The following ZNF165 variants were observed in gnomAD, a reference collection of about 807,000 sequenced individuals.
ZNF165 encodes zinc finger protein 165.
A neutral mutation model predicts 19.6 loss-of-function variants in ZNF165; 14 were observed. The observed-to-expected ratio is 0.71, with a 90% CI of 0.47 to 1.12. The LOEUF (loss-of-function observed/expected upper bound fraction) is 1.12, where lower values mean the gene tolerates loss of function less well. Among genes scored for constraint, ZNF165 ranks in the 50% most tolerant of loss-of-function variants. The pLI is 0.00. For synonymous variants in ZNF165, 165 were observed against 195.0 expected (o/e 0.85, Z 1.28); for missense variants, 504 against 566.3 (o/e 0.89, Z 1.12).
intron 1 of ZNF165, among the ~76,000 whole-genome samples, chr6:28,084,026 G>A (rs1764215225): frequency 6.6e-6 from 1 of 152,100 alleles, no homozygotes; most frequent in South Asian, 2.1e-4. Flanking sequence ...CCGCATCCTT[G>A]TCAAATCTTT....
chr6:28,084,750 C>T (rs1213952836), intron 1 of ZNF165, among the ~76,000 whole-genome samples: 1 of 152,182 alleles, frequency 6.6e-6, no homozygotes, highest in Non-Finnish European at 1.5e-5. Context: ...AGAACATATT[C>T]ATCTCCACAG....
rs751056982 is a variant in ZNF165, at chr6:28,089,184, G to A, written c.1172G>A (p.Arg391Gln). The A allele has an allele frequency of 6.2e-5, 100 of 1,614,002 alleles. No homozygotes were observed. The East Asian group carries it at 1.2e-3, about 19-fold the overall frequency. The change falls in exon 4 of 4, where the codon CGG becomes CAG. Residue 391 changes from arginine to glutamine, a missense_variant. Coordinates refer to ENST00000683778, the MANE Select transcript of ZNF165 (RefSeq NM_001376491.1). The stretch of plus-strand genomic sequence containing the variant: ...GAGAGCTCAGATCTTACTAGACATC[G>A]GCGAATTCACACTGGGGAAAGACCC... ...FAESSDLTRH[R>Q]RIHTGERPFG...
chr6:28,087,219 C>T (rs1054063120), intron 3 of ZNF165, among the ~76,000 whole-genome samples: 3 of 151,942 alleles, frequency 2.0e-5, no homozygotes, highest in Non-Finnish European at 2.9e-5. Context: ...AATAACTTAC[C>T]GTTAATTTTT....
intron 3 of ZNF165, 45 bp downstream of exon 3, chr6:28,086,355 G>T: frequency 6.4e-7 from 1 of 1,569,662 alleles, no homozygotes; most frequent in South Asian, 1.2e-5. Context: ...AAAGAAACAG[G>T]GGAATGAATC....
Position 28,088,823 on chromosome 6 carries a change from A to T in ZNF165, c.811A>T (p.Ser271Cys). The change falls in exon 4 of 4, where the codon AGC (serine) becomes TGC (cysteine). Residue 271 changes from serine to cysteine, a missense_variant. Ser to Cys is a moderately radical substitution (Grantham distance 112). Transcript: ENST00000683778. The part of the protein sequence containing the change: ...HKNTVRGEII[S>C]HDGCERRLNL... ...AAATACAGTCAGAGGTGAAATAATAAGCCACGATGGATGTGAGAGGAGATT... is the reference window on the plus strand; with the variant it reads ...AAATACAGTCAGAGGTGAAATAATATGCCACGATGGATGTGAGAGGAGATT... 2 of 1,614,240 alleles carry T rather than the reference A, an allele frequency of 1.2e-6. No homozygotes were observed. The highest frequency in any genetic ancestry group is 1.7e-6 in the Non-Finnish European group (2 of 1,180,042).
Position 28,080,675 on chromosome 6 carries a change from GA to G in ZNF165, c.-295del, listed in dbSNP as rs1764130657. 6.6e-6 allele frequency: 1 copy of G among 151,672 alleles called. No individual in the cohort carries two copies. The highest frequency in any genetic ancestry group is 2.4e-5 in the African/African-American group (1 of 41,142). 9.4% of individuals were successfully genotyped at this position (151,672 alleles called of 1,614,324 possible). On this transcript the variant is annotated 5_prime_UTR_variant, in exon 1 of 4. Transcript: ENST00000683778. ...CCCAAAGTGCTGGGACTGCAGGCGT[GA>G]GCCACCGCGCCCGGCCAACGTCATT...
At chr6:28,081,029 T>G (rs1764141791) in intron 1 of ZNF165, 59 bp downstream of exon 1, 1 of 152,270 alleles carries the variant, frequency 6.6e-6, no homozygotes, top group African/African-American at 2.4e-5. Context: ...AAACATCCAG[T>G]CCCTCTCATA....
chr6:28,089,375 C>G lies in ZNF165; in HGVS notation c.1363C>G (p.Pro455Ala). ...CTTTAGAATTCACACTGGAGAAAAA[C>G]CCTATGAATGCAGTGAGTGTGGAAG... ...RHFRIHTGEK[P>A]YECSECGRAF... Residue 455 changes from proline (P) to alanine (A), a missense_variant, in exon 4 of 4, where the codon CCC (proline) becomes GCC (alanine). Transcript: ENST00000683778. 1 of 1,614,134 alleles carries G rather than the reference C, an allele frequency of 6.2e-7. No homozygotes were observed. Among genetic ancestry groups the G allele is most frequent in the Non-Finnish European group, 8.5e-7 (1 of 1,180,016 alleles).
chr6:28,085,848 T>C lies in ZNF165; in HGVS notation c.368T>C (p.Ile123Thr), dbSNP rs1294528463. The C allele has an allele frequency of 6.2e-7, 1 of 1,613,158 alleles. No homozygotes were observed. Among genetic ancestry groups the C allele is most frequent in the Non-Finnish European group, 8.5e-7 (1 of 1,180,002 alleles). The change falls in exon 2 of 4, where the codon ATA (isoleucine) becomes ACA (threonine). Residue 123 changes from isoleucine (I) to threonine (T), a missense_variant. Transcript: ENST00000683778. ...YPESGEEAVT[I>T]LEDLERGTDE... ...GAGAGTGGAGAGGAGGCAGTGACCA[T>C]ACTAGAAGATTTGGAGAGAGGCACT...
chr6:28,086,230 C>T lies in ZNF165; in HGVS notation c.470C>T (p.Pro157Leu), dbSNP rs1764271923. The change falls in exon 3 of 4, where the codon CCA (proline) becomes CTA (leucine). Residue 157 changes from proline (P) to leucine (L), a missense_variant. Physicochemically the swap from Pro to Leu is moderately conservative, Grantham distance 98. Coordinates refer to ENST00000683778, the MANE Select transcript of ZNF165 (RefSeq NM_001376491.1). ...IFQKKVSPPG[P>L]ALNVKLQPVE... ...CAGAAAAAAGTGTCACCTCCTGGAC[C>T]AGCACTTAATGTCAAGTTACAGCCA... is the stretch of plus-strand genomic sequence containing the variant. 6.2e-7 allele frequency: 1 copy of T among 1,614,186 alleles called. No individual in the cohort carries two copies. The highest frequency in any genetic ancestry group is 8.5e-7 in the Non-Finnish European group (1 of 1,180,034).
At position 28,085,551 on chromosome 6, in the gene ZNF165, T is replaced by C. The variant is rs758017047; in HGVS notation, c.71T>C (p.Ile24Thr). The C allele has an allele frequency of 5.6e-6, 9 of 1,614,224 alleles. No individual in the cohort carries two copies. The highest frequency in any genetic ancestry group is 2.7e-5 in the African/African-American group (2 of 75,054). ...PEDEGLLIVK[I>T]EEEEFIHGQD... ...GATGAAGGACTTCTGATAGTGAAGATAGAAGAGGAAGAATTTATCCATGGG... is the reference window on the plus strand; with the variant it reads ...GATGAAGGACTTCTGATAGTGAAGACAGAAGAGGAAGAATTTATCCATGGG... The change falls in exon 2 of 4, where the codon ATA becomes ACA. Residue 24 changes from isoleucine (I) to threonine (T), a missense_variant. Coordinates refer to ENST00000683778, the MANE Select transcript of ZNF165 (RefSeq NM_001376491.1).
rs1384965656 is a variant in ZNF165, at chr6:28,085,462, T to C, written c.1-19T>C. On this transcript the variant is annotated intron_variant, in intron 1 of 3. Transcript: ENST00000683778. ...AAGACCCTTTCCAAAGCAGTTCTGATAATATATTCTATCCACAGATGGCTA... is the reference window on the plus strand; with the variant it reads ...AAGACCCTTTCCAAAGCAGTTCTGACAATATATTCTATCCACAGATGGCTA... 1.3e-6 allele frequency: 2 copies of C among 1,595,002 alleles called. No homozygotes were observed. Among genetic ancestry groups the C allele is most frequent in the Non-Finnish European group, 1.7e-6 (2 of 1,175,706 alleles).
rs772010906 is a variant in ZNF165, at chr6:28,088,836, G to A, written c.824G>A (p.Cys275Tyr). The A allele has an allele frequency of 1.5e-5, 25 of 1,614,090 alleles. No individual in the cohort carries two copies. The Admixed American group carries it at 4.2e-4, about 27-fold the overall frequency. ...VRGEIISHDG[C>Y]ERRLNLNSNE... ...GGTGAAATAATAAGCCACGATGGAT[G>A]TGAGAGGAGATTAAATCTGAACTCA... The change falls in exon 4 of 4, where the codon TGT (cysteine) becomes TAT (tyrosine). Residue 275 changes from cysteine to tyrosine, a missense_variant. Transcript: ENST00000683778.
At position 28,080,886 on chromosome 6, in the gene ZNF165, G is replaced by T. The variant is rs943910846; in HGVS notation, c.-85G>T. 6.6e-6 allele frequency: 1 copy of T among 152,220 alleles called. No homozygotes were observed. Among genetic ancestry groups the T allele is most frequent in the Non-Finnish European group, 1.5e-5 (1 of 68,070 alleles). 9.4% of individuals were successfully genotyped at this position (152,220 alleles called of 1,614,324 possible). ...TCCCGCCTTCTGCGCAGACTCACAA[G>T]TCCCTGTGGACGGAATTCTTGAAGT... On this transcript the variant is annotated 5_prime_UTR_variant, in exon 1 of 4. Transcript: ENST00000683778.
In ZNF165 at chr6:28,088,654, A is replaced by G. The variant is rs762986560; in HGVS notation, c.642A>G (p.Gly214=). ...SQRIISGRIS[G]YISEASGESQ... ...GAATTATATCTGGAAGAATCTCAGG[A>G]TACATATCAGAAGCATCTGGTGAGT... Residue 214 remains glycine (G), a synonymous_variant, in exon 4 of 4, where the codon GGA becomes GGG. Coordinates refer to ENST00000683778, the MANE Select transcript of ZNF165 (RefSeq NM_001376491.1). 17 of 1,614,062 alleles carry G rather than the reference A, an allele frequency of 1.1e-5. No individual in the cohort carries two copies. The South Asian group carries it at 1.8e-4, about 17-fold the overall frequency.
rs768062541 is a variant in ZNF165, at chr6:28,088,936, T to G, written c.924T>G (p.Ile308Met). The G allele has an allele frequency of 6.2e-7, 1 of 1,614,148 alleles. No individual in the cohort carries two copies. Among genetic ancestry groups the G allele is most frequent in the South Asian group, 1.1e-5 (1 of 91,080 alleles). ...DQSFKWNSDFINHQIIYAGEK... is the reference protein window; with the variant it reads ...DQSFKWNSDFMNHQIIYAGEK... ...GCTTCAAATGGAACTCAGATTTTAT[T>G]AACCATCAAATAATTTATGCTGGAG... Residue 308 changes from isoleucine to methionine, a missense_variant, in exon 4 of 4, where the codon ATT (isoleucine) becomes ATG (methionine). Transcript: ENST00000683778.
At position 28,086,715 on chromosome 6, in the gene ZNF165, G is replaced by GA. The variant is rs763208489; in HGVS notation, c.550+415dup. On this transcript the variant is annotated intron_variant, in intron 3 of 3. Coordinates refer to ENST00000683778, the MANE Select transcript of ZNF165 (RefSeq NM_001376491.1). ...CAGAGCAAGACTCCATCTCATAAAGGAAAAAAAAAAGAGAGAGAGAACTTG... is the reference window on the plus strand; with the variant it reads ...CAGAGCAAGACTCCATCTCATAAAGGAAAAAAAAAAAGAGAGAGAGAACTTG... Among the ~76,000 whole-genome samples, 780 of 147,142 alleles carry GA rather than the reference G, an allele frequency of 5.3e-3. 4 individuals are homozygous for GA. Among genetic ancestry groups the GA allele is most frequent in the African/African-American group, 0.016 (630 of 40,122 alleles).
At chr6:28,087,334 C>T (rs1764299525) in intron 3 of ZNF165, among the ~76,000 whole-genome samples, 1 of 152,186 alleles carries the variant, frequency 6.6e-6, no homozygotes, top group Non-Finnish European at 1.5e-5. Context: ...CAACCTCCAC[C>T]TCCTGGGTTC....
chr6:28,088,498 G>A (rs938207802), intron 3 of ZNF165, 65 bp from the exon 4 acceptor site: 3 of 1,370,336 alleles, frequency 2.2e-6, no homozygotes, highest in South Asian at 1.4e-5. Context: ...ACTATCTTGA[G>A]CATGCTATAA....
Sources: gnomAD v4.1 joint callset for allele counts (sites outside exome capture counted in the v4.1 genomes callset) on GRCh38, gnomAD v4.1.1 for gene constraint, MANE v1.5 for transcripts, NCBI Gene and HGNC (gene_info 2026-07-23, HGNC 2026-07-21) for gene names.